Variants in ERBIN observed in about 807,000 individuals in gnomAD.
The protein encoded by ERBIN is erbb2 interacting protein, also known as densin-180-like protein.
ERBIN carries 60 observed loss-of-function variants against 158.4 expected under a neutral mutation model. That is an observed-to-expected ratio of 0.38 (90% CI 0.31 to 0.47). The LOEUF (loss-of-function observed/expected upper bound fraction) is 0.47, where lower values mean the gene tolerates loss of function less well. Among genes scored for constraint, ERBIN ranks in the 20% least tolerant of loss-of-function variants. The pLI is 0.99. For missense variants in ERBIN, 1,610 were observed against 1,648.0 expected, an observed-to-expected ratio of 0.98 and a Z score of 0.40; for synonymous variants, 594 against 557.2, an observed-to-expected ratio of 1.07 and a Z score of -0.93.
At position 65,965,382 on chromosome 5, in the gene ERBIN, G is replaced by GTTT. The variant is rs200847060; in HGVS notation, c.-57-23214_-57-23212dup. Among the ~76,000 whole-genome samples the GTTT allele has an allele frequency of 1.2e-3, 113 of 96,024 alleles. 3 individuals are homozygous for GTTT. Among genetic ancestry groups the GTTT allele is most frequent in the Middle Eastern group, 5.7e-3 (1 of 176 alleles). The allele number at this position is 96,024 out of a possible 152,430, so 63.0% of individuals were successfully genotyped here. ...GTTCTTACCAGATTTGTTTTTTGTT[G>GTTT]TTTTTTTTTTTTTTTTTTTTTTTTT... On this transcript the variant is annotated intron_variant, in intron 1 of 25. Coordinates refer to ENST00000284037, the MANE Select transcript of ERBIN (RefSeq NM_001253697.2).
chr5:66,031,834 A>G (rs1164397237), intron 14 of ERBIN, among the ~76,000 whole-genome samples: 1 of 152,094 alleles, frequency 6.6e-6, no homozygotes, highest in Non-Finnish European at 1.5e-5. Flanking sequence ...TCTATCTCCA[A>G]GATAGTTTTT....
chr5:65,934,185 C>A (rs775030264), intron 1 of ERBIN, among the ~76,000 whole-genome samples: 1 of 152,168 alleles, frequency 6.6e-6, no homozygotes, highest in Non-Finnish European at 1.5e-5. Flanking sequence ...CGTGAGCCAC[C>A]GCGCCCAGCC....
intron 4 of ERBIN, among the ~76,000 whole-genome samples, chr5:65,998,758 A>G (rs1351093306): frequency 6.6e-6 from 1 of 151,986 alleles, no homozygotes; most frequent in Non-Finnish European, 1.5e-5. Context: ...TTAGCTGCAC[A>G]TGGTGGCATG....
At chr5:66,055,786 C>T (rs1012853867) in intron 21 of ERBIN, among the ~76,000 whole-genome samples, 2 of 152,086 alleles carry the variant, frequency 1.3e-5, no homozygotes, top group African/African-American at 4.8e-5. Flanking sequence ...CATACAACTT[C>T]AATTAGCCAT....
At chr5:66,020,005 T>A in intron 7 of ERBIN, among the ~76,000 whole-genome samples, 1 of 152,106 alleles carries the variant, frequency 6.6e-6, no homozygotes, top group Non-Finnish European at 1.5e-5. Flanking sequence ...TGGAGAAAGA[T>A]CGTGGAAGCA....
intron 1 of ERBIN, among the ~76,000 whole-genome samples, chr5:65,932,394 C>G (rs923056397): frequency 6.6e-6 from 1 of 151,332 alleles, no homozygotes; most frequent in Non-Finnish European, 1.5e-5. Context: ...ACTATTGCAG[C>G]TTGAAGGCAT....
chr5:66,007,358 G>A (rs559884816), intron 4 of ERBIN, among the ~76,000 whole-genome samples: 1 of 152,168 alleles, frequency 6.6e-6, no homozygotes, highest in South Asian at 2.1e-4. Flanking sequence ...TTGGGCACAG[G>A]GAGGGGAACA....
chr5:66,030,427 G>A (rs893103510), intron 14 of ERBIN, among the ~76,000 whole-genome samples: 3 of 152,010 alleles, frequency 2.0e-5, no homozygotes, highest in South Asian at 2.1e-4. Context: ...ATGTTTAAAC[G>A]ATTTGAAATT....
At chr5:65,963,096 T>C (rs546181194) in intron 1 of ERBIN, among the ~76,000 whole-genome samples, 1 of 152,352 alleles carries the variant, frequency 6.6e-6, no homozygotes, top group Admixed American at 6.5e-5. Context: ...TTGATTACTT[T>C]TTAAAAGGTA....
intron 21 of ERBIN, among the ~76,000 whole-genome samples, chr5:66,065,591 C>CTGTGTGTGTGTG (rs56164922): frequency 9.2e-6 from 1 of 109,286 alleles, no homozygotes; most frequent in Non-Finnish European, 2.0e-5. Flanking sequence ...TAATTTTGAC[C>CTGTGTGTGTGTG]TGTGTGTGTG....
chr5:66,011,636 T>C (rs1426154494), intron 4 of ERBIN, among the ~76,000 whole-genome samples: 2 of 152,136 alleles, frequency 1.3e-5, no homozygotes, highest in East Asian at 1.9e-4. Flanking sequence ...GCACTGAGCC[T>C]AGTTCGCCCC....
chr5:66,025,542 T>A lies in ERBIN; in HGVS notation c.880T>A (p.Ser294Thr). The stretch of plus-strand genomic sequence containing the variant: ...AAACCAGTTAATGTATCTGCCAGAC[T>A]CTATAGGAGGGTAAGTTTTTTGTGA... ...DENQLMYLPD[S>T]IGGLISVEEL... The change falls in exon 11 of 26, where the codon TCT (serine) becomes ACT (threonine). Residue 294 changes from serine to threonine, a missense_variant. Physicochemically the swap from Ser to Thr is moderately conservative, Grantham distance 58 (BLOSUM62 1). Around this residue, in one of 2 missense-constraint regions of ERBIN, gnomAD observed 596 missense variants for 711.9 expected, o/e 0.84. Transcript: ENST00000284037. 1.2e-6 allele frequency: 2 copies of A among 1,611,546 alleles called. No homozygotes were observed. Among genetic ancestry groups the A allele is most frequent in the Non-Finnish European group, 1.7e-6 (2 of 1,178,136 alleles).
intron 1 of ERBIN, among the ~76,000 whole-genome samples, chr5:65,927,881 G>A (rs1249639618): frequency 6.6e-6 from 1 of 152,122 alleles, no homozygotes; most frequent in Non-Finnish European, 1.5e-5. Context: ...TTTCAGTGGT[G>A]TTTTAGTCTT....
At chr5:65,969,305 A>G (rs1291814453) in intron 1 of ERBIN, among the ~76,000 whole-genome samples, 2 of 152,196 alleles carry the variant, frequency 1.3e-5, no homozygotes, top group Non-Finnish European at 2.9e-5. Context: ...GAAAGGAAAA[A>G]CTATTATTTA....
intron 15 of ERBIN, among the ~76,000 whole-genome samples, chr5:66,039,690 TA>T (rs980326948): frequency 1.3e-5 from 2 of 151,996 alleles, no homozygotes; most frequent in Non-Finnish European, 2.9e-5. Flanking sequence ...ATATTAAGTA[TA>T]CTATATTTTG....
At chr5:65,989,015 T>C (rs1392722886) in intron 2 of ERBIN, among the ~76,000 whole-genome samples, 5 of 148,904 alleles carry the variant, frequency 3.4e-5, no homozygotes, top group African/African-American at 1.2e-4. Context: ...AGCTTATTAT[T>C]GTGCTCATTT....
At chr5:65,962,041 A>T (rs1274644310) in intron 1 of ERBIN, among the ~76,000 whole-genome samples, 1 of 152,238 alleles carries the variant, frequency 6.6e-6, no homozygotes, top group South Asian at 2.1e-4. Context: ...AATGCCTGCT[A>T]GAGTAATTAC....
intron 22 of ERBIN, among the ~76,000 whole-genome samples, chr5:66,074,417 A>ATAT (rs34636438): frequency 0.27 from 40,679 of 151,874 alleles, 6,858 homozygotes; most frequent in East Asian, 0.46. Context: ...GGAATTAATA[A>ATAT]TAAGAGATTA....
In ERBIN at chr5:66,080,521, C is replaced by G. The variant is rs769883039; in HGVS notation, c.*1991C>G. 2.0e-5 allele frequency: 3 copies of G among 151,124 alleles called. No homozygotes were observed. The highest frequency in any genetic ancestry group is 4.4e-5 in the Non-Finnish European group (3 of 67,696). 9.4% of individuals were successfully genotyped at this position (151,124 alleles called of 1,614,324 possible). ...CAAACAGCTTCTTTAAGACAAGTCT[C>G]GGTGTTCCCTTTATTCTTAGTTTGT... On this transcript the variant is annotated 3_prime_UTR_variant, in exon 26 of 26. Transcript: ENST00000284037.
Sources: gnomAD v4.1 joint callset for allele counts (sites outside exome capture counted in the v4.1 genomes callset) on GRCh38, gnomAD v4.1.1 for gene constraint, gnomAD v4.1.1 regional missense constraint, MANE v1.5 for transcripts, NCBI Gene and HGNC (gene_info 2026-07-23, HGNC 2026-07-21) for gene names.